Variants in GPC6 observed in about 807,000 individuals in gnomAD.
The protein encoded by GPC6 is glypican 6.
In GPC6, 14 loss-of-function variants were observed where a neutral mutation model predicts 55.2. The observed-to-expected ratio is 0.25, with a 90% CI of 0.17 to 0.40. The LOEUF is 0.40. GPC6 is among the 10% of genes least tolerant of loss of function. The pLI, the probability that GPC6 is intolerant of heterozygous loss-of-function variation, is 1.00. For synonymous variants in GPC6, 278 were observed against 259.6 expected, an observed-to-expected ratio of 1.07 and a Z score of -0.68; for missense variants, 641 against 708.5, an observed-to-expected ratio of 0.90 and a Z score of 1.08.
At chr13:94,113,052 A>G (rs1455180928) in intron 4 of GPC6, among the ~76,000 whole-genome samples, 1 of 152,100 alleles carries the variant, frequency 6.6e-6, no homozygotes, top group Non-Finnish European at 1.5e-5. Flanking sequence ...TTTTTGAAAG[A>G]AAGTGTGCTC....
At chr13:93,621,570 T>C (rs1878952103) in intron 2 of GPC6, among the ~76,000 whole-genome samples, 1 of 152,146 alleles carries the variant, frequency 6.6e-6, no homozygotes, top group South Asian at 2.1e-4. Flanking sequence ...TACTAACAAG[T>C]TGCTTATATG....
chr13:94,157,808 T>C (rs1222688777), intron 4 of GPC6, among the ~76,000 whole-genome samples: 1 of 152,106 alleles, frequency 6.6e-6, no homozygotes, highest in African/African-American at 2.4e-5. Context: ...ACGTCAGCCA[T>C]GTGAGACATA....
chr13:93,485,721 G>A (rs1594203806), intron 1 of GPC6, among the ~76,000 whole-genome samples: 2 of 152,218 alleles, frequency 1.3e-5, no homozygotes, highest in Admixed American at 6.5e-5. Flanking sequence ...CAGGTGAGGC[G>A]GTTTGATGGG....
chr13:93,262,921 G>C (rs1192736884), intron 1 of GPC6, among the ~76,000 whole-genome samples: 1 of 152,156 alleles, frequency 6.6e-6, no homozygotes, highest in East Asian at 1.9e-4. Context: ...CAAGGGAAAA[G>C]GACACTTAAG....
chr13:93,311,285 T>C (rs1400451415), intron 1 of GPC6, among the ~76,000 whole-genome samples: 1 of 152,234 alleles, frequency 6.6e-6, no homozygotes, highest in Non-Finnish European at 1.5e-5. Context: ...TCATTTTACA[T>C]TTCCCTGTGG....
chr13:94,244,720 G>A lies in GPC6; in HGVS notation c.878-41629G>A, dbSNP rs978717769. On this transcript the variant is annotated intron_variant, in intron 4 of 8. Coordinates refer to ENST00000377047, the MANE Select transcript of GPC6 (RefSeq NM_005708.5). ...ACTGAAGTCATTGACAGTTTTAAGT[G>A]AAGGCAGAGTAGCCATGTGATTTTT... Among the ~76,000 whole-genome samples, 6 of 152,156 alleles carry A rather than the reference G, an allele frequency of 3.9e-5. No homozygotes were observed. In the South Asian group the frequency reaches 1.0e-3, roughly 26 times the overall value.
intron 1 of GPC6, among the ~76,000 whole-genome samples, chr13:93,399,576 G>A (rs1324592448): frequency 6.6e-6 from 1 of 152,200 alleles, no homozygotes. Flanking sequence ...AAAGTTTCAG[G>A]TGACAAGATC....
rs370613459 is a variant in GPC6 at position 93,314,712 on chromosome 13, G to GGTGT, written c.160+87138_160+87141dup. On this transcript the variant is annotated intron_variant, in intron 1 of 8. Transcript: ENST00000377047. ...CCTAATTAGATAGAAAACAAGGAGG[G>GGTGT]GTGTGTGTGTGTGTGTGTGTGTGTG... Among the ~76,000 whole-genome samples, 640 of 147,638 alleles carry GGTGT rather than the reference G, an allele frequency of 4.3e-3. 4 individuals carry two copies. The highest frequency in any genetic ancestry group is 0.017 in the East Asian group (86 of 4,928).
intron 2 of GPC6, among the ~76,000 whole-genome samples, chr13:93,563,135 T>C (rs1875896896): frequency 1.3e-5 from 2 of 152,158 alleles, no homozygotes; most frequent in Non-Finnish European, 2.9e-5. Flanking sequence ...AAGTGATAAA[T>C]GTTATTTTGT....
chr13:94,344,649 C>A (rs1878198101), intron 6 of GPC6, among the ~76,000 whole-genome samples: 1 of 152,230 alleles, frequency 6.6e-6, no homozygotes, highest in Non-Finnish European at 1.5e-5. Flanking sequence ...CAGACCGAAT[C>A]CCTTCCCAGG....
intron 4 of GPC6, among the ~76,000 whole-genome samples, chr13:94,244,941 C>T (rs1175516359): frequency 2.0e-5 from 3 of 151,910 alleles, no homozygotes; most frequent in Non-Finnish European, 4.4e-5. Context: ...TTACAAGATA[C>T]ATGTAGTAAA....
At chr13:94,043,734 A>G (rs1164389956) in intron 4 of GPC6, among the ~76,000 whole-genome samples, 2 of 151,856 alleles carry the variant, frequency 1.3e-5, no homozygotes, top group African/African-American at 4.8e-5. Flanking sequence ...TTAAAGACAG[A>G]ATGTATATAA....
At chr13:93,424,800 A>C (rs965650137) in intron 1 of GPC6, among the ~76,000 whole-genome samples, 1 of 152,118 alleles carries the variant, frequency 6.6e-6, no homozygotes, top group Non-Finnish European at 1.5e-5. Flanking sequence ...TTGGAACTTA[A>C]AGTTAAGAAG....
intron 1 of GPC6, among the ~76,000 whole-genome samples, chr13:93,480,241 GT>G (rs1240132194): frequency 1.3e-5 from 2 of 151,824 alleles, no homozygotes; most frequent in Non-Finnish European, 2.9e-5. Flanking sequence ...CTTTAATATT[GT>G]TCTCAATGCA....
intron 4 of GPC6, among the ~76,000 whole-genome samples, chr13:94,163,711 G>A (rs1262943898): frequency 1.3e-5 from 2 of 152,162 alleles, no homozygotes; most frequent in African/African-American, 4.8e-5. Flanking sequence ...AGGGCTGGGT[G>A]GTTCAAGAGA....
At chr13:93,675,151 T>C (rs528496409) in intron 2 of GPC6, among the ~76,000 whole-genome samples, 1 of 152,306 alleles carries the variant, frequency 6.6e-6, no homozygotes, top group African/African-American at 2.4e-5. Context: ...AGTTATGATG[T>C]AGGTGCGCTT....
At chr13:94,147,653 T>C (rs565171927) in intron 4 of GPC6, among the ~76,000 whole-genome samples, 5 of 152,260 alleles carry the variant, frequency 3.3e-5, no homozygotes, top group African/African-American at 4.8e-5. Flanking sequence ...AAAGATCAGA[T>C]CACTTACCCT....
chr13:94,251,843 G>A (rs1245140734), intron 4 of GPC6, among the ~76,000 whole-genome samples: 1 of 151,838 alleles, frequency 6.6e-6, no homozygotes. Context: ...TTGATTTGGT[G>A]TAACAGGCTC....
At chr13:93,621,196 C>T (rs1878938072) in intron 2 of GPC6, among the ~76,000 whole-genome samples, 1 of 152,120 alleles carries the variant, frequency 6.6e-6, no homozygotes, top group South Asian at 2.1e-4. Flanking sequence ...CAAGGCTCAT[C>T]TCAGAAAGGG....
Sources: gnomAD v4.1 joint callset for allele counts (sites outside exome capture counted in the v4.1 genomes callset) on GRCh38, gnomAD v4.1.1 for gene constraint, MANE v1.5 for transcripts, NCBI Gene and HGNC (gene_info 2026-07-23, HGNC 2026-07-21) for gene names.